The following KCNK13 variants were observed in gnomAD, a reference collection of about 807,000 sequenced individuals.
The protein encoded by KCNK13 is potassium two pore domain channel subfamily K member 13.
A neutral mutation model predicts 23.4 loss-of-function variants in KCNK13; 12 were observed. The observed-to-expected ratio is 0.51, with a 90% confidence interval of 0.33 to 0.83. The LOEUF is 0.83. Among genes scored for constraint, KCNK13 ranks in the 40% least tolerant of loss-of-function variants. The pLI is 0.02. For missense variants in KCNK13, 463 were observed against 556.3 expected (o/e 0.83, Z 1.69); for synonymous variants, 231 against 229.5 (o/e 1.01, Z -0.06).
chr14:90,174,298 G>A (rs1353933640), intron 1 of KCNK13, among the ~76,000 whole-genome samples: 2 of 152,128 alleles, frequency 1.3e-5, no homozygotes, highest in Non-Finnish European at 2.9e-5. Context: ...CAACAAGAGC[G>A]AGACTCTGTC....
Position 90,063,355 on chromosome 14 carries a change from G to A in KCNK13, c.334+816G>A, listed in dbSNP as rs556101544. Among the ~76,000 whole-genome samples the A allele has an allele frequency of 1.4e-4, 22 of 152,278 alleles. No homozygotes were observed. In the South Asian group the frequency reaches 4.6e-3, roughly 32 times the overall value. On this transcript the variant is annotated intron_variant, in intron 1 of 1. Transcript: ENST00000282146. ...GAGCCATTGAGAATTTTTTAGCAAAGATGTAGCACAGCTACAATCAGCTGT... is the reference window on the plus strand; with the variant it reads ...GAGCCATTGAGAATTTTTTAGCAAAAATGTAGCACAGCTACAATCAGCTGT...
chr14:90,073,472 C>A (rs927081973), intron 1 of KCNK13, among the ~76,000 whole-genome samples: 19 of 152,144 alleles, frequency 1.2e-4, no homozygotes, highest in African/African-American at 4.3e-4. Context: ...TAACTCTTGG[C>A]ATGTTGGCAC....
At chr14:90,134,499 T>A (rs2140424526) in intron 1 of KCNK13, among the ~76,000 whole-genome samples, 1 of 152,296 alleles carries the variant, frequency 6.6e-6, no homozygotes, top group African/African-American at 2.4e-5. Flanking sequence ...TAACTCTCCA[T>A]AAGAAAGATC....
At chr14:90,165,635 G>A (rs748295473) in intron 1 of KCNK13, among the ~76,000 whole-genome samples, 1 of 152,178 alleles carries the variant, frequency 6.6e-6, no homozygotes, top group Non-Finnish European at 1.5e-5. Flanking sequence ...GTTCAAGAGA[G>A]AACATAATTA....
At chr14:90,081,593 C>A (rs191767685) in intron 1 of KCNK13, among the ~76,000 whole-genome samples, 1 of 152,300 alleles carries the variant, frequency 6.6e-6, no homozygotes, top group East Asian at 1.9e-4. Context: ...AATTCACATA[C>A]CATAAAATTC....
rs1321650222 is a variant in KCNK13 at position 90,184,769 on chromosome 14, G to A, written c.993G>A (p.Gly331=). 3 of 1,613,554 alleles carry A rather than the reference G, an allele frequency of 1.9e-6. No individual in the cohort carries two copies. The highest frequency in any genetic ancestry group is 2.2e-5 in the South Asian group (2 of 91,078). The change falls in exon 2 of 2, where the codon GGG becomes GGA. Residue 331 remains glycine (G), a synonymous_variant. Transcript: ENST00000282146. This position sits in a 1 kb window ranked among gnomAD's most constrained non-coding sequence, Gnocchi z 5.6. ...NRCNISIETD[G]VAESDTDGRR... ...GCAACATCTCCATAGAGACAGACGG[G>A]GTGGCAGAGAGTGACACGGACGGGC...
At chr14:90,102,916 T>C (rs1174852451) in intron 1 of KCNK13, among the ~76,000 whole-genome samples, 1 of 152,186 alleles carries the variant, frequency 6.6e-6, no homozygotes, top group African/African-American at 2.4e-5. Context: ...AGGTAGTTTT[T>C]CAACCCATGC....
chr14:90,068,373 T>C (rs1415086011), intron 1 of KCNK13, among the ~76,000 whole-genome samples: 1 of 151,934 alleles, frequency 6.6e-6, no homozygotes, highest in Non-Finnish European at 1.5e-5. Flanking sequence ...GGTGGGTGGA[T>C]TGCTTGAGGC....
chr14:90,155,266 C>G (rs1344061402), intron 1 of KCNK13, among the ~76,000 whole-genome samples: 2 of 151,842 alleles, frequency 1.3e-5, no homozygotes, highest in African/African-American at 4.8e-5. Context: ...GCAGCGGGGG[C>G]CTGGGATGGA....
intron 1 of KCNK13, among the ~76,000 whole-genome samples, chr14:90,087,865 C>G (rs981398274): frequency 6.6e-6 from 1 of 152,226 alleles, no homozygotes; most frequent in Non-Finnish European, 1.5e-5. Context: ...TGATGTCCTT[C>G]TGGTGCTTAG....
intron 1 of KCNK13, among the ~76,000 whole-genome samples, chr14:90,180,032 C>T (rs928768837): frequency 6.6e-6 from 1 of 152,176 alleles, no homozygotes; most frequent in Non-Finnish European, 1.5e-5. Flanking sequence ...CTCCGTTCTG[C>T]TCATGGCTTG....
At chr14:90,173,434 C>T (rs1050854493) in intron 1 of KCNK13, among the ~76,000 whole-genome samples, 7 of 152,282 alleles carry the variant, frequency 4.6e-5, no homozygotes, top group Admixed American at 4.6e-4. Context: ...TGTACATCCA[C>T]TTTGCTGAAC....
At chr14:90,063,128 A>G (rs948805139) in intron 1 of KCNK13, among the ~76,000 whole-genome samples, 1 of 152,166 alleles carries the variant, frequency 6.6e-6, no homozygotes, top group Admixed American at 6.5e-5. Context: ...GGCTGAATCA[A>G]TTCGTGTTAG....
At chr14:90,142,034 G>T (rs1208396943) in intron 1 of KCNK13, among the ~76,000 whole-genome samples, 1 of 151,234 alleles carries the variant, frequency 6.6e-6, no homozygotes, top group Non-Finnish European at 1.5e-5. Flanking sequence ...TGATCCGTCC[G>T]CCTCAGCCTC....
intron 1 of KCNK13, among the ~76,000 whole-genome samples, chr14:90,088,154 C>A (rs1298813306): frequency 6.6e-6 from 1 of 152,058 alleles, no homozygotes; most frequent in African/African-American, 2.4e-5. Context: ...AGGTGTGTGC[C>A]ACCATGCCTG....
chr14:90,141,907 C>G (rs1451102106), intron 1 of KCNK13, among the ~76,000 whole-genome samples: 1 of 152,010 alleles, frequency 6.6e-6, no homozygotes, highest in Non-Finnish European at 1.5e-5. Flanking sequence ...CTCAGCCTCC[C>G]AAGTAGCTGG....
At chr14:90,173,159 A>G (rs901142652) in intron 1 of KCNK13, among the ~76,000 whole-genome samples, 4 of 152,220 alleles carry the variant, frequency 2.6e-5, no homozygotes, top group African/African-American at 7.2e-5. Flanking sequence ...GAAAACCACT[A>G]TGTATCCACC....
intron 1 of KCNK13, among the ~76,000 whole-genome samples, chr14:90,138,680 C>T (rs1182684583): frequency 1.3e-5 from 2 of 152,194 alleles, no homozygotes; most frequent in Non-Finnish European, 2.9e-5. Flanking sequence ...TCAAAAATGC[C>T]ATGTACGGCT....
intron 1 of KCNK13, among the ~76,000 whole-genome samples, chr14:90,064,864 G>T (rs1400945703): frequency 1.3e-5 from 2 of 152,114 alleles, no homozygotes; most frequent in Non-Finnish European, 2.9e-5. Context: ...CCCGTATTAG[G>T]CACATACTGT....
Sources: allele counts gnomAD v4.1 joint callset (sites outside exome capture counted in the v4.1 genomes callset), GRCh38; gene constraint gnomAD v4.1.1; non-coding constraint Gnocchi (gnomAD v3.1); transcripts MANE v1.5; gene names NCBI Gene and HGNC (gene_info 2026-07-23, HGNC 2026-07-21).